The following ARHGEF10L variants were observed in gnomAD, a reference collection of about 807,000 sequenced individuals.
ARHGEF10L encodes rho guanine nucleotide exchange factor 10-like protein.
Under a neutral mutation model 141.2 loss-of-function variants are expected in ARHGEF10L, and 69 were observed. That is an observed-to-expected ratio of 0.49 (90% CI 0.40 to 0.60). The LOEUF (loss-of-function observed/expected upper bound fraction) is 0.60, where lower values mean the gene tolerates loss of function less well. Among genes scored for constraint, ARHGEF10L ranks in the 20% least tolerant of loss-of-function variants. The pLI, the probability that ARHGEF10L is intolerant of heterozygous loss-of-function variation, is 0.00. For missense variants in ARHGEF10L, 1,482 were observed against 1,734.3 expected (o/e 0.85, Z 2.58); for synonymous variants, 711 against 718.5 (o/e 0.99, Z 0.17).
At chr1:17,569,397 G>C (rs1183555812) in intron 1 of ARHGEF10L, among the ~76,000 whole-genome samples, 2 of 152,182 alleles carry the variant, frequency 1.3e-5, no homozygotes, top group African/African-American at 4.8e-5. Context: ...GAGGGCCCCC[G>C]GGGGTCCTGG....
intron 4 of ARHGEF10L, among the ~76,000 whole-genome samples, chr1:17,588,899 T>TGTGTGTGTGTGTG (rs1557758147): frequency 4.6e-3 from 139 of 30,014 alleles, no homozygotes; most frequent in East Asian, 9.9e-3. Context: ...TGTGTGTGTG[T>TGTGTGTGTGTGTG]AGTGGGGGAG....
chr1:17,668,712 A>G (rs1483765519), intron 26 of ARHGEF10L, among the ~76,000 whole-genome samples: 2 of 152,156 alleles, frequency 1.3e-5, no homozygotes, highest in Non-Finnish European at 2.9e-5. Flanking sequence ...CAGCCAGGGA[A>G]ATGGAAAAGT....
the ARHGEF10L span, among the ~76,000 whole-genome samples, chr1:17,523,084 ATTT>A: frequency 0.02 from 2,281 of 115,438 alleles, 59 homozygotes; most frequent in African/African-American, 0.07. Flanking sequence ...TTTGTTTTCC[ATTT>A]TTTTTTTTTT....
At position 17,602,129 on chromosome 1, in the gene ARHGEF10L, T is replaced by C. The variant is rs1251206811; in HGVS notation, c.260T>C (p.Val87Ala). The C allele has an allele frequency of 1.3e-6, 2 of 1,565,078 alleles. No homozygotes were observed. Among genetic ancestry groups the C allele is most frequent in the Non-Finnish European group, 1.7e-6 (2 of 1,155,026 alleles). ...GCAGTGCCATCTCTTGCCCGCAGGG[T>C]GCCAGCCTGGGTGAGCAATGGGGAT... Reference protein sequence around the residue: ...DPAAAPPGTGVPAWVSNGDAA... With the variant: ...DPAAAPPGTGAPAWVSNGDAA... The change falls in exon 5 of 29, where the codon GTG becomes GCG. Residue 87 changes from valine to alanine, a missense_variant and splice_region_variant. By Grantham distance (64) the Val-to-Ala change is moderately conservative. This residue lies in a region of ARHGEF10L where 232 missense variants were observed against 225.9 expected (regional missense o/e 1.03). Coordinates refer to ENST00000361221, the MANE Select transcript of ARHGEF10L (RefSeq NM_018125.4).
At chr1:17,570,994 G>A (rs1028532316) in intron 1 of ARHGEF10L, among the ~76,000 whole-genome samples, 4 of 152,074 alleles carry the variant, frequency 2.6e-5, no homozygotes, top group African/African-American at 7.2e-5. Context: ...GTATGGGCAC[G>A]TTAAGGCTGA....
chr1:17,648,675 G>C lies in ARHGEF10L; in HGVS notation c.2394G>C (p.Gln798His). 1 of 1,612,428 alleles carries C rather than the reference G, an allele frequency of 6.2e-7. No homozygotes were observed. ...PAFSSRALSL[Q>H]LGALVHSPVN... Reference sequence around the variant, plus strand: ...TCTCCTCCCGGGCACTCAGCCTGCAGGTGAGTGGAGCGGATCTTGCTGAGC... The same window carrying C: ...TCTCCTCCCGGGCACTCAGCCTGCACGTGAGTGGAGCGGATCTTGCTGAGC... The change falls in exon 22 of 29, where the codon CAG (glutamine) becomes CAC (histidine). Residue 798 changes from glutamine to histidine, a missense_variant and splice_region_variant. Gln to His is a conservative substitution (Grantham distance 24). Coordinates refer to ENST00000361221, the MANE Select transcript of ARHGEF10L (RefSeq NM_018125.4).
chr1:17,581,335 AAAG>A, intron 2 of ARHGEF10L, among the ~76,000 whole-genome samples: 3 of 151,058 alleles, frequency 2.0e-5, no homozygotes, highest in Admixed American at 1.3e-4. Context: ...AAAAAAAAGA[AAAG>A]AGAAAAAGAA....
Position 17,615,787 on chromosome 1 carries a change from C to G in ARHGEF10L, c.727-307C>G. 3.7e-6 allele frequency: 1 copy of G among 268,450 alleles called. No homozygotes were observed. Among genetic ancestry groups the G allele is most frequent in the Non-Finnish European group, 7.3e-6 (1 of 137,500 alleles). The allele number at this position is 268,450 out of a possible 1,614,324, so 16.6% of individuals were successfully genotyped here. On this transcript the variant is annotated intron_variant, in intron 8 of 28. Coordinates refer to ENST00000361221, the MANE Select transcript of ARHGEF10L (RefSeq NM_018125.4). The surrounding 1 kb of genome is among the most constrained non-coding windows in gnomAD (Gnocchi z 4.7). The stretch of plus-strand genomic sequence containing the variant: ...GCGGGTGGCCCAGGGCTCCAGGTCT[C>G]CAGCACCCCTCGGCCCCCTCCTCAC...
At chr1:17,646,381 G>A (rs1393967947) in intron 21 of ARHGEF10L, among the ~76,000 whole-genome samples, 1 of 152,182 alleles carries the variant, frequency 6.6e-6, no homozygotes, top group African/African-American at 2.4e-5. Context: ...GGGTACATCT[G>A]ACAAACCTGG....
In ARHGEF10L at chr1:17,654,791, A is replaced by G; in HGVS notation, c.2481+69A>G. 1.4e-6 allele frequency: 2 copies of G among 1,436,854 alleles called. No individual in the cohort carries two copies. Among genetic ancestry groups the G allele is most frequent in the Non-Finnish European group, 1.9e-6 (2 of 1,026,134 alleles). The allele number at this position is 1,436,854 out of a possible 1,614,324, so 89.0% of individuals were successfully genotyped here. On this transcript the variant is annotated intron_variant, in intron 23 of 28. Transcript: ENST00000361221. This position sits in a 1 kb window ranked among gnomAD's most constrained non-coding sequence, Gnocchi z 4.3. ...AGGAGTAGGGAGAGCGGCACCTGGG[A>G]GGGGGTGCTGGAGACAGCAGCTGCC...
chr1:17,676,046 G>T (rs118043986), intron 26 of ARHGEF10L, among the ~76,000 whole-genome samples: 1 of 147,478 alleles, frequency 6.8e-6, no homozygotes, highest in South Asian at 2.2e-4. Context: ...GGATGCAGGT[G>T]TAGGTGCAGG....
At chr1:17,532,191 C>T in the ARHGEF10L span, among the ~76,000 whole-genome samples, 1 of 152,212 alleles carries the variant, frequency 6.6e-6, no homozygotes, top group Non-Finnish European at 1.5e-5. Context: ...GACACATCCC[C>T]TCTATCTTCA....
intron 1 of ARHGEF10L, among the ~76,000 whole-genome samples, chr1:17,550,746 G>C (rs1570410074): frequency 6.6e-6 from 1 of 152,214 alleles, no homozygotes; most frequent in East Asian, 1.9e-4. Flanking sequence ...ACATATAAAG[G>C]GGACAGGTGT....
At chr1:17,664,001 G>A (rs764541421) in intron 25 of ARHGEF10L, among the ~76,000 whole-genome samples, 7 of 152,194 alleles carry the variant, frequency 4.6e-5, no homozygotes, top group South Asian at 2.1e-4. Flanking sequence ...TGTGCTTGGC[G>A]TGTCATGTGA....
At chr1:17,524,364 TACACACACAC>T in the ARHGEF10L span, among the ~76,000 whole-genome samples, 5,666 of 116,016 alleles carry the variant, frequency 0.049, 248 homozygotes, top group African/African-American at 0.11. Context: ...ACCCCGTCTC[TACACACACAC>T]ACACACACAC....
At chr1:17,574,830 C>A (rs553446579) in intron 1 of ARHGEF10L, among the ~76,000 whole-genome samples, 124 of 152,340 alleles carry the variant, frequency 8.1e-4, no homozygotes, top group African/African-American at 2.8e-3. Context: ...TGTCAGGAGA[C>A]CCCGCCCCAC....
chr1:17,522,326 G>T, the ARHGEF10L span, among the ~76,000 whole-genome samples: 1 of 152,222 alleles, frequency 6.6e-6, no homozygotes, highest in Admixed American at 6.5e-5. Context: ...GCCAGCCAAC[G>T]CCGTCCTGAA....
intron 20 of ARHGEF10L, among the ~76,000 whole-genome samples, chr1:17,638,900 A>G (rs767789316): frequency 6.6e-6 from 1 of 152,214 alleles, no homozygotes; most frequent in Non-Finnish European, 1.5e-5. Flanking sequence ...TGAATTAATG[A>G]ACAGCCTGGT....
intron 4 of ARHGEF10L, among the ~76,000 whole-genome samples, chr1:17,593,396 G>A (rs2079767511): frequency 6.6e-6 from 1 of 152,200 alleles, no homozygotes; most frequent in Non-Finnish European, 1.5e-5. Context: ...GCGTGGCAAA[G>A]GGACTTGGCA....
Sources: gnomAD v4.1 joint callset for allele counts (sites outside exome capture counted in the v4.1 genomes callset) on GRCh38, gnomAD v4.1.1 for gene constraint, gnomAD v4.1.1 regional missense constraint, Gnocchi (gnomAD v3.1) non-coding constraint, MANE v1.5 for transcripts, NCBI Gene and HGNC (gene_info 2026-07-23, HGNC 2026-07-21) for gene names.